The following PLXNA2 variants were observed in gnomAD, a reference collection of about 807,000 sequenced individuals.
PLXNA2 encodes plexin-A2.
PLXNA2 carries 91 observed loss-of-function variants against 193.5 expected under a neutral mutation model. That is an observed-to-expected ratio of 0.47 (90% CI 0.40 to 0.56). The LOEUF (loss-of-function observed/expected upper bound fraction) is 0.56. Among genes scored for constraint, PLXNA2 ranks in the 20% least tolerant of loss-of-function variants. The probability of loss-of-function intolerance (pLI) is 0.00; values close to 1 mark genes in which losing one functional copy is unlikely to be tolerated. For missense variants in PLXNA2, 1,995 were observed against 2,503.2 expected (o/e 0.80, Z 4.33); for synonymous variants, 997 against 1,027.3 (o/e 0.97, Z 0.56).
chr1:208,152,794 T>C (rs1358780402), intron 3 of PLXNA2, among the ~76,000 whole-genome samples: 1 of 151,792 alleles, frequency 6.6e-6, no homozygotes, highest in Non-Finnish European at 1.5e-5. Context: ...CTAGCTAACA[T>C]GGCCTTCTCA....
chr1:208,092,695 A>G, intron 9 of PLXNA2, 91 bp downstream of exon 9: 1 of 820,790 alleles, frequency 1.2e-6, no homozygotes. Flanking sequence ...AGGGCAAGAA[A>G]ATGGCCAAGC....
At chr1:208,207,287 T>A (rs1670762538) in intron 3 of PLXNA2, among the ~76,000 whole-genome samples, 2 of 152,262 alleles carry the variant, frequency 1.3e-5, no homozygotes, top group South Asian at 4.1e-4. Context: ...ATTATAGGCA[T>A]GAGCCACCGT....
intron 22 of PLXNA2, chr1:208,040,358 C>T (rs536914681): frequency 1.0e-5 from 4 of 401,928 alleles, no homozygotes; most frequent in Non-Finnish European, 1.8e-5. Context: ...TGGATAAAGG[C>T]ACCTCACTAT....
At chr1:208,198,649 C>T (rs561237523) in intron 3 of PLXNA2, among the ~76,000 whole-genome samples, 14 of 152,324 alleles carry the variant, frequency 9.2e-5, no homozygotes, top group South Asian at 2.1e-4. Flanking sequence ...TGCCATGTCC[C>T]GAGTTTCCAG....
chr1:208,088,380 G>C (rs1339736048), intron 9 of PLXNA2, among the ~76,000 whole-genome samples: 4 of 152,224 alleles, frequency 2.6e-5, no homozygotes, highest in Admixed American at 2.0e-4. Flanking sequence ...TCACCCACTG[G>C]ACTTCAAAGA....
rs935043530 is a variant in PLXNA2, at chr1:208,138,856, G to A, written c.1506+3473C>T. On this transcript the variant is annotated intron_variant, in intron 4 of 31. Coordinates refer to ENST00000367033, the MANE Select transcript of PLXNA2 (RefSeq NM_025179.4). The stretch of plus-strand genomic sequence containing the variant: ...AACCTGGCCAACATGGCAAAACCCC[G>A]GCTCTACTAAAAATACAAAAATTAG... 2.6e-5 allele frequency among the ~76,000 whole-genome samples: 4 copies of A among 152,220 alleles called. No individual in the cohort carries two copies. The South Asian group carries it at 6.2e-4, about 24-fold the overall frequency.
At chr1:208,139,940 C>T (rs2102480474) in intron 4 of PLXNA2, among the ~76,000 whole-genome samples, 1 of 152,320 alleles carries the variant, frequency 6.6e-6, no homozygotes, top group Admixed American at 6.5e-5. Context: ...AGAGCTCCAC[C>T]ACAAATCCCC....
chr1:208,216,416 G>A (rs947898435), intron 2 of PLXNA2, among the ~76,000 whole-genome samples: 4 of 152,138 alleles, frequency 2.6e-5, no homozygotes, highest in Non-Finnish European at 5.9e-5. Context: ...CCCAACTAGC[G>A]TGTAATCTCC....
intron 4 of PLXNA2, among the ~76,000 whole-genome samples, chr1:208,110,354 G>A (rs898559296): frequency 2.0e-5 from 3 of 152,246 alleles, no homozygotes; most frequent in African/African-American, 7.2e-5. Context: ...CTGGGAGCAG[G>A]TGAGGGAGGC....
rs150516039 is a variant in PLXNA2 at position 208,160,839 on chromosome 1, T to C, written c.1372-18376A>G. Reference sequence around the variant, plus strand: ...GGGCCCACTGGGCCTTGTACTATAATAGACTTTTACACGTCCCCATCTCTC... The same window carrying C: ...GGGCCCACTGGGCCTTGTACTATAACAGACTTTTACACGTCCCCATCTCTC... On this transcript the variant is annotated intron_variant, in intron 3 of 31. Transcript: ENST00000367033. 1.6e-3 allele frequency among the ~76,000 whole-genome samples: 239 copies of C among 152,392 alleles called. 5 individuals are homozygous for C. In the South Asian group the frequency reaches 0.032, roughly 20 times the overall value.
At chr1:208,108,734 G>T (rs932920023) in intron 4 of PLXNA2, among the ~76,000 whole-genome samples, 8 of 152,182 alleles carry the variant, frequency 5.3e-5, no homozygotes, top group African/African-American at 1.9e-4. Flanking sequence ...CCCTCCTGGA[G>T]CCCATGGTTC....
intron 6 of PLXNA2, among the ~76,000 whole-genome samples, chr1:208,098,002 G>A (rs1400561837): frequency 6.6e-6 from 1 of 152,166 alleles, no homozygotes; most frequent in African/African-American, 2.4e-5. Flanking sequence ...ACCGCGCCCA[G>A]CCTGTAGGTT....
chr1:208,240,207 C>A (rs940729651), intron 1 of PLXNA2, among the ~76,000 whole-genome samples: 1 of 152,236 alleles, frequency 6.6e-6, no homozygotes, highest in Non-Finnish European at 1.5e-5. Flanking sequence ...CCCTCCAATT[C>A]CAGATGGAGC....
At chr1:208,221,573 C>T (rs559472425) in intron 1 of PLXNA2, among the ~76,000 whole-genome samples, 8 of 152,172 alleles carry the variant, frequency 5.3e-5, no homozygotes, top group Non-Finnish European at 8.8e-5. Context: ...ACACTGGAGT[C>T]AAGAGGAGGC....
intron 5 of PLXNA2, among the ~76,000 whole-genome samples, chr1:208,100,923 T>C (rs1364383209): frequency 6.6e-6 from 1 of 152,176 alleles, no homozygotes; most frequent in Non-Finnish European, 1.5e-5. Flanking sequence ...CCAAACCAAA[T>C]AGCCATCGGG....
In PLXNA2 at chr1:208,027,296, G is replaced by A. The variant is rs141651654; in HGVS notation, c.5632C>T (p.Arg1878Trp). Residue 1878 changes from arginine to tryptophan, a missense_variant, in exon 32 of 32, where the codon CGG (arginine) becomes TGG (tryptophan). Physicochemically the swap from Arg to Trp is moderately radical, Grantham distance 101. Transcript: ENST00000367033. ...AGCTGCTCCACCTTATAAGCCAGCC[G>A]CTGCCGCCGTGCCTGCTCATCCTGC... ...LEQDEQARRQRLAYKVEQLIN... is the reference protein window; with the variant it reads ...LEQDEQARRQWLAYKVEQLIN... 25 of 1,613,478 alleles carry A rather than the reference G, an allele frequency of 1.5e-5. No homozygotes were observed. The highest frequency in any genetic ancestry group is 1.9e-5 in the Non-Finnish European group (22 of 1,179,952).
intron 12 of PLXNA2, among the ~76,000 whole-genome samples, chr1:208,079,034 G>A (rs540139113): frequency 5.3e-5 from 8 of 152,280 alleles, no homozygotes; most frequent in South Asian, 4.1e-4. Flanking sequence ...ACACCAATGC[G>A]CTTGTACATT....
chr1:208,196,727 A>C (rs141622314), intron 3 of PLXNA2, among the ~76,000 whole-genome samples: 264 of 152,324 alleles, frequency 1.7e-3, no homozygotes, highest in Middle Eastern at 3.4e-3. Context: ...GGAGAAAAAG[A>C]CTGAAGGCAT....
intron 4 of PLXNA2, among the ~76,000 whole-genome samples, chr1:208,107,505 C>T (rs1667307331): frequency 6.6e-6 from 1 of 152,244 alleles, no homozygotes; most frequent in African/African-American, 2.4e-5. Context: ...CAAGTTCAAG[C>T]CTCCGCAGTC....
Sources: gnomAD v4.1 joint callset for allele counts (sites outside exome capture counted in the v4.1 genomes callset) on GRCh38, gnomAD v4.1.1 for gene constraint, MANE v1.5 for transcripts, NCBI Gene and HGNC (gene_info 2026-07-23, HGNC 2026-07-21) for gene names.